The following STXBP4 variants were observed in gnomAD, a reference collection of about 807,000 sequenced individuals.
The protein encoded by STXBP4 is syntaxin binding protein 4, also known as syntaxin-binding protein 4.
In STXBP4, 55 loss-of-function variants were observed where a neutral mutation model predicts 76.1. The ratio of observed to expected loss-of-function variants is 0.72; its 90% CI spans 0.58 to 0.91. The LOEUF is 0.91. Ranked by LOEUF, STXBP4 falls within the 40% of genes least tolerant of loss-of-function variation. The pLI is 0.00. For missense variants in STXBP4, 618 were observed against 636.9 expected (o/e 0.97, Z 0.32); for synonymous variants, 201 against 220.2 (o/e 0.91, Z 0.77).
chr17:55,123,181 T>C (rs2079865454), intron 16 of STXBP4, among the ~76,000 whole-genome samples: 1 of 152,186 alleles, frequency 6.6e-6, no homozygotes, highest in African/African-American at 2.4e-5. Flanking sequence ...CTTGCCAAAG[T>C]ACTTTTCATA....
chr17:54,984,099 G>A (rs1468427337), intron 1 of STXBP4, among the ~76,000 whole-genome samples: 1 of 152,078 alleles, frequency 6.6e-6, no homozygotes, highest in Non-Finnish European at 1.5e-5. Flanking sequence ...GTCGAAATGT[G>A]TTTTTACCAC....
chr17:55,212,260 C>CAA, the STXBP4 span, among the ~76,000 whole-genome samples: 1 of 21,038 alleles, frequency 4.8e-5, no homozygotes, highest in African/African-American at 5.3e-4. Flanking sequence ...CTTCCCTGGA[C>CAA]TATAGGGTCA....
chr17:55,163,218 G>GGT lies in STXBP4; in HGVS notation c.*3307_*3308insGT, dbSNP rs375658721. The stretch of plus-strand genomic sequence containing the variant: ...CCAAATGTTCCTATAGATTTTCTGG[G>GGT]TTTTTTTTTTTTTTTTGTCCTTGGA... On this transcript the variant is annotated 3_prime_UTR_variant, in exon 18 of 18. Coordinates refer to ENST00000376352, the MANE Select transcript of STXBP4 (RefSeq NM_178509.6). The GGT allele has an allele frequency of 3.0e-5, 4 of 135,444 alleles. No individual in the cohort carries two copies. Among genetic ancestry groups the GGT allele is most frequent in the Admixed American group, 7.4e-5 (1 of 13,550 alleles). The allele number at this position is 135,444 out of a possible 1,614,324, so 8.4% of individuals were successfully genotyped here.
chr17:55,007,098 GA>G (rs1001277966), intron 7 of STXBP4, among the ~76,000 whole-genome samples: 2 of 152,078 alleles, frequency 1.3e-5, no homozygotes, highest in Non-Finnish European at 2.9e-5. Context: ...GGCAGTTTGG[GA>G]GGCTGAGGCA....
At chr17:55,154,571 A>G (rs891717566) in intron 17 of STXBP4, among the ~76,000 whole-genome samples, 3 of 152,132 alleles carry the variant, frequency 2.0e-5, no homozygotes, top group Non-Finnish European at 2.9e-5. Flanking sequence ...AACAGCATCA[A>G]TTTTTAAGAG....
intron 16 of STXBP4, among the ~76,000 whole-genome samples, chr17:55,102,828 G>C (rs576633825): frequency 6.6e-6 from 1 of 152,108 alleles, no homozygotes; most frequent in Non-Finnish European, 1.5e-5. Flanking sequence ...TCTAACTGGC[G>C]TGAGATGGTA....
At chr17:55,035,487 A>T (rs184404265) in intron 10 of STXBP4, among the ~76,000 whole-genome samples, 1 of 151,980 alleles carries the variant, frequency 6.6e-6, no homozygotes, top group Admixed American at 6.6e-5. Context: ...ATAACACATA[A>T]TTGTATGCTT....
At chr17:55,043,656 G>C in intron 11 of STXBP4, 1 of 1,549,548 alleles carries the variant, frequency 6.5e-7, no homozygotes, top group Non-Finnish European at 8.7e-7. Flanking sequence ...GCAAGTCGTG[G>C]CAATTTTGGA....
intron 16 of STXBP4, among the ~76,000 whole-genome samples, chr17:55,085,983 C>A (rs1674892006): frequency 6.6e-6 from 1 of 152,134 alleles, no homozygotes; most frequent in South Asian, 2.1e-4. Context: ...ATATATCAGA[C>A]ATTTTTATGT....
chr17:55,202,813 TC>T, the STXBP4 span, among the ~76,000 whole-genome samples: 27 of 152,172 alleles, frequency 1.8e-4, no homozygotes, highest in African/African-American at 6.0e-4. Context: ...TTCTTGTTCT[TC>T]CCCAAAAGCT....
chr17:55,121,763 A>C (rs1265116725), intron 16 of STXBP4, among the ~76,000 whole-genome samples: 1 of 152,044 alleles, frequency 6.6e-6, no homozygotes, highest in Admixed American at 6.6e-5. Context: ...GTTATAAAGT[A>C]AAGTCTGCTT....
At chr17:55,000,376 A>G in intron 6 of STXBP4, 5 of 511,758 alleles carry the variant, frequency 9.8e-6, no homozygotes, top group Non-Finnish European at 1.3e-5. Flanking sequence ...TATTATCTGA[A>G]CAAATTACAG....
chr17:54,981,769 G>T lies in STXBP4; in HGVS notation c.-156-3845G>T, dbSNP rs115332985. ...GAAGAAAAGGGGGGAAAATATATTT[G>T]CAATTCTTAATGCTGATAGAGAGAT... On this transcript the variant is annotated intron_variant, in intron 1 of 17. Transcript: ENST00000376352. Among the ~76,000 whole-genome samples the T allele has an allele frequency of 7.0e-3, 1,061 of 152,162 alleles. 14 individuals carry two copies. The highest frequency in any genetic ancestry group is 0.024 in the African/African-American group (1,000 of 41,508).
intron 16 of STXBP4, among the ~76,000 whole-genome samples, chr17:55,107,330 A>G (rs903061031): frequency 1.1e-4 from 17 of 152,052 alleles, no homozygotes; most frequent in Non-Finnish European, 2.4e-4. Flanking sequence ...CTAGTTAGCA[A>G]TTCCTCTAAC....
At chr17:55,150,574 G>C (rs902743658) in intron 17 of STXBP4, among the ~76,000 whole-genome samples, 5 of 152,092 alleles carry the variant, frequency 3.3e-5, no homozygotes, top group African/African-American at 1.2e-4. Context: ...ATTTCATAAG[G>C]TCCCTAGCAA....
At chr17:54,976,405 GA>G (rs2077474408) in intron 1 of STXBP4, among the ~76,000 whole-genome samples, 1 of 152,200 alleles carries the variant, frequency 6.6e-6, no homozygotes, top group African/African-American at 2.4e-5. Flanking sequence ...TAAAACTTGA[GA>G]AAGTTAAATT....
intron 10 of STXBP4, among the ~76,000 whole-genome samples, chr17:55,038,340 C>A (rs1412941876): frequency 6.6e-6 from 1 of 152,038 alleles, no homozygotes; most frequent in Non-Finnish European, 1.5e-5. Context: ...AGTATTTTGA[C>A]TTATAACAAC....
intron 1 of STXBP4, among the ~76,000 whole-genome samples, chr17:54,981,243 T>G (rs1356581627): frequency 6.6e-6 from 1 of 152,030 alleles, no homozygotes; most frequent in Non-Finnish European, 1.5e-5. Context: ...AAGAATACTT[T>G]GAATTTAATG....
At chr17:55,146,565 AC>A (rs1432895052) in intron 17 of STXBP4, among the ~76,000 whole-genome samples, 1 of 152,040 alleles carries the variant, frequency 6.6e-6, no homozygotes, top group Non-Finnish European at 1.5e-5. Flanking sequence ...ATACAAAAAA[AC>A]ATTAGCCAGG....
Sources: gnomAD v4.1 joint callset for allele counts (sites outside exome capture counted in the v4.1 genomes callset) on GRCh38, gnomAD v4.1.1 for gene constraint, MANE v1.5 for transcripts, NCBI Gene and HGNC (gene_info 2026-07-23, HGNC 2026-07-21) for gene names.